Variants in ROBO2 observed in about 807,000 individuals in gnomAD.
ROBO2 encodes the protein roundabout homolog 2.
ROBO2 carries 53 observed loss-of-function variants against 160.8 expected under a neutral mutation model. The observed-to-expected ratio is 0.33, with a 90% CI of 0.26 to 0.41. The LOEUF (loss-of-function observed/expected upper bound fraction) is 0.41, where lower values mean the gene tolerates loss of function less well. ROBO2 is among the 10% of genes least tolerant of loss of function. ROBO2 has a pLI of 1.00. For synonymous variants in ROBO2, 664 were observed against 611.7 expected (o/e 1.09, Z -1.26); for missense variants, 1,577 against 1,722.4 (o/e 0.92, Z 1.49).
At chr3:77,124,747 A>G (rs2075151373) in intron 2 of ROBO2, among the ~76,000 whole-genome samples, 1 of 152,100 alleles carries the variant, frequency 6.6e-6, no homozygotes, top group African/African-American at 2.4e-5. Flanking sequence ...TGTTTAGGCA[A>G]CCATTTTTAG....
intron 2 of ROBO2, among the ~76,000 whole-genome samples, chr3:77,463,876 C>T (rs1369839955): frequency 6.6e-6 from 1 of 152,130 alleles, no homozygotes; most frequent in African/African-American, 2.4e-5. Context: ...AGCCACCATG[C>T]CTGTCCTCTT....
At chr3:77,216,325 C>A (rs1446597363) in intron 2 of ROBO2, among the ~76,000 whole-genome samples, 1 of 152,180 alleles carries the variant, frequency 6.6e-6, no homozygotes. Flanking sequence ...TGACCTCAGA[C>A]TGCTGTGCTA....
rs539820738 is a variant in ROBO2, at chr3:77,642,656, A to G, written c.3935-2048A>G. ...TAAATTTTAGTCCATTCTAAACATT[A>G]TTCAAAATTTTTAGATCTTCCACCA... On this transcript the variant is annotated intron_variant, in intron 24 of 25. Transcript: ENST00000461745. 16 of 451,766 alleles carry G rather than the reference A, an allele frequency of 3.5e-5. No homozygotes were observed. Among genetic ancestry groups the G allele is most frequent in the Admixed American group, 2.4e-4 (10 of 41,360 alleles). The allele number at this position is 451,766 out of a possible 1,614,324, so 28.0% of individuals were successfully genotyped here.
chr3:77,328,220 C>T (rs930475645), intron 2 of ROBO2, among the ~76,000 whole-genome samples: 1 of 151,948 alleles, frequency 6.6e-6, no homozygotes, highest in Non-Finnish European at 1.5e-5. Context: ...TTCTGCTGCG[C>T]CCATGATGCA....
At position 76,011,823 on chromosome 3, in the gene ROBO2, C is replaced by A. The variant is rs659486; in HGVS notation, c.109+74221C>A. ...TCATCTGTCTTTCAGCAATATCACC[C>A]AGTGACTCGATGCAATCAAATGTGT... On this transcript the variant is annotated intron_variant, in intron 2 of 26. Coordinates refer to the ROBO2 transcript ENST00000487694. Among the ~76,000 whole-genome samples, 179 of 151,870 alleles carry A rather than the reference C, an allele frequency of 1.2e-3. 1 individual carries two copies. Among genetic ancestry groups the A allele is most frequent in the African/African-American group, 4.2e-3 (173 of 41,326 alleles).
intron 2 of ROBO2, among the ~76,000 whole-genome samples, chr3:77,394,816 A>G (rs921613856): frequency 2.6e-5 from 4 of 152,134 alleles, no homozygotes; most frequent in African/African-American, 9.7e-5. Context: ...ACTGTTTCAT[A>G]TGATATTCAT....
intron 2 of ROBO2, among the ~76,000 whole-genome samples, chr3:76,606,150 A>T (rs1248126974): frequency 6.6e-6 from 1 of 152,160 alleles, no homozygotes; most frequent in Non-Finnish European, 1.5e-5. Flanking sequence ...TTAAAAAAAA[A>T]TAAGGGGAAT....
chr3:77,314,371 C>T (rs2063793499), intron 2 of ROBO2, among the ~76,000 whole-genome samples: 1 of 152,086 alleles, frequency 6.6e-6, no homozygotes, highest in Admixed American at 6.6e-5. Flanking sequence ...GAATTGCATC[C>T]AGCATTTGGC....
chr3:76,815,827 T>C (rs917713463), intron 2 of ROBO2, among the ~76,000 whole-genome samples: 1 of 152,070 alleles, frequency 6.6e-6, no homozygotes, highest in Non-Finnish European at 1.5e-5. Flanking sequence ...TCCTCACTCA[T>C]ATTTAGTAAT....
intron 2 of ROBO2, among the ~76,000 whole-genome samples, chr3:76,197,601 A>AT (rs1702323058): frequency 6.6e-6 from 1 of 152,190 alleles, no homozygotes; most frequent in Non-Finnish European, 1.5e-5. Context: ...AAATAAAATT[A>AT]TTGTTATTAC....
chr3:77,103,854 G>T (rs111909226), intron 2 of ROBO2, among the ~76,000 whole-genome samples: 197 of 152,252 alleles, frequency 1.3e-3, no homozygotes, highest in African/African-American at 4.6e-3. Context: ...AGAGGGCACA[G>T]GTGGCACTGA....
At chr3:75,998,342 G>A (rs532730360) in intron 2 of ROBO2, among the ~76,000 whole-genome samples, 9 of 152,170 alleles carry the variant, frequency 5.9e-5, no homozygotes, top group East Asian at 5.8e-4. Flanking sequence ...CTCATATGAC[G>A]TTTTCTTCCC....
At chr3:77,289,370 T>G (rs1169425995) in intron 2 of ROBO2, among the ~76,000 whole-genome samples, 1 of 151,576 alleles carries the variant, frequency 6.6e-6, no homozygotes, top group African/African-American at 2.4e-5. Context: ...AAGCTGAGAC[T>G]AGATCACCCC....
At chr3:77,430,084 T>C (rs1229998659) in intron 2 of ROBO2, among the ~76,000 whole-genome samples, 1 of 151,880 alleles carries the variant, frequency 6.6e-6, no homozygotes, top group African/African-American at 2.4e-5. Flanking sequence ...AAGCCTGGAG[T>C]GATTACCAGC....
intron 2 of ROBO2, among the ~76,000 whole-genome samples, chr3:76,957,893 T>A (rs1559762920): frequency 6.6e-6 from 1 of 152,024 alleles, no homozygotes; most frequent in Non-Finnish European, 1.5e-5. Context: ...CTGAGGATGC[T>A]GTGTTCATGA....
At chr3:77,091,625 A>G (rs2070273984) in intron 1 of ROBO2, among the ~76,000 whole-genome samples, 1 of 152,094 alleles carries the variant, frequency 6.6e-6, no homozygotes, top group South Asian at 2.1e-4. Context: ...CATGGAAAAA[A>G]TGCAGCTTCT....
chr3:76,373,767 TATC>T (rs1190492942), intron 2 of ROBO2, among the ~76,000 whole-genome samples: 1 of 152,028 alleles, frequency 6.6e-6, no homozygotes, highest in Non-Finnish European at 1.5e-5. Context: ...AACTAATCGT[TATC>T]ATTGTTCATG....
chr3:76,681,458 C>CAGATTTAAAATATTTTTTTATCT (rs1560366657), intron 2 of ROBO2, among the ~76,000 whole-genome samples: 1 of 151,936 alleles, frequency 6.6e-6, no homozygotes, highest in Admixed American at 6.6e-5. Flanking sequence ...AAAAATGAGG[C>CAGATTTAAAATATTTTTTTATCT]TCAGAGAAGT....
At chr3:76,727,640 G>A (rs2093573692) in intron 2 of ROBO2, among the ~76,000 whole-genome samples, 1 of 152,234 alleles carries the variant, frequency 6.6e-6, no homozygotes, top group African/African-American at 2.4e-5. Flanking sequence ...AATAAGTTGG[G>A]CACGGAAACA....
Sources: allele counts gnomAD v4.1 joint callset (sites outside exome capture counted in the v4.1 genomes callset), GRCh38; gene constraint gnomAD v4.1.1; transcripts MANE v1.5; gene names NCBI Gene and HGNC (gene_info 2026-07-23, HGNC 2026-07-21).